Variants in ECD observed in about 807,000 individuals in gnomAD.
ECD encodes protein ecdysoneless homolog.
Under a neutral mutation model 77.2 loss-of-function variants are expected in ECD, and 59 were observed. That is an observed-to-expected ratio of 0.76 (90% CI 0.62 to 0.95). ECD has a LOEUF of 0.95. Among genes scored for constraint, ECD ranks in the 40% least tolerant of loss-of-function variants. The probability of loss-of-function intolerance (pLI) is 0.00; values close to 1 mark genes in which losing one functional copy is unlikely to be tolerated. For synonymous variants in ECD, 233 were observed against 267.4 expected (o/e 0.87, Z 1.26); for missense variants, 704 against 763.4 (o/e 0.92, Z 0.92).
At chr10:73,137,111 A>T (rs1027110911) in intron 12 of ECD, among the ~76,000 whole-genome samples, 193 bp from the exon 13 acceptor site, 2 of 151,906 alleles carry the variant, frequency 1.3e-5, no homozygotes, top group African/African-American at 4.8e-5. Flanking sequence ...GTGTGCATTT[A>T]ATGTTGTGGA....
intron 7 of ECD, among the ~76,000 whole-genome samples, chr10:73,151,758 T>C (rs988356786): frequency 4.6e-5 from 7 of 152,204 alleles, no homozygotes; most frequent in African/African-American, 1.7e-4. Flanking sequence ...TGGCTAGTAT[T>C]ATCATTTTCA....
At chr10:73,155,096 T>C (rs566070495) in intron 5 of ECD, among the ~76,000 whole-genome samples, 3 of 152,256 alleles carry the variant, frequency 2.0e-5, no homozygotes, top group Admixed American at 6.5e-5. Flanking sequence ...GTCGCCAGGC[T>C]GGAGTGCAGT....
rs531380366 is a variant in ECD at position 73,160,448 on chromosome 10, T to C, written c.309A>G (p.Pro103=). The change falls in exon 3 of 14, where the codon CCA becomes CCG. Residue 103 remains proline, a synonymous_variant. Coordinates refer to ENST00000372979, the MANE Select transcript of ECD (RefSeq NM_007265.3). ...YVIKQITKEF[P]ELVARIEDND... is the part of the protein sequence containing the mutation. ...AACTACAATACCTTGCTACTAACTC[T>C]GGAAATTCCTTTGTGATCTGCTTTA... 6.3e-7 allele frequency: 1 copy of C among 1,598,120 alleles called. No individual in the cohort carries two copies. Among genetic ancestry groups the C allele is most frequent in the African/African-American group, 1.3e-5 (1 of 74,224 alleles).
At chr10:73,153,725 CAAAAAAAAAAAAAAA>C (rs201711578) in intron 6 of ECD, among the ~76,000 whole-genome samples, 2 of 41,338 alleles carry the variant, frequency 4.8e-5, no homozygotes, top group African/African-American at 6.8e-5. Flanking sequence ...GACTCTGTCT[CAAAAAAAAAAAAAAA>C]AAAAAAAAAG....
intron 13 of ECD, among the ~76,000 whole-genome samples, chr10:73,135,807 A>T (rs1842969062): frequency 1.3e-5 from 2 of 152,068 alleles, no homozygotes; most frequent in Admixed American, 6.6e-5. Context: ...AGGCCTACTT[A>T]ATCAGAATCT....
intron 10 of ECD, 43 bp downstream of exon 10, chr10:73,139,588 T>G (rs1190993090): frequency 6.3e-7 from 1 of 1,581,774 alleles, no homozygotes; most frequent in Non-Finnish European, 8.6e-7. Flanking sequence ...CATTTTAATT[T>G]TTTTTTTTTA....
chr10:73,166,579 T>G (rs1350119159), intron 1 of ECD, among the ~76,000 whole-genome samples: 1 of 152,230 alleles, frequency 6.6e-6, no homozygotes, highest in East Asian at 1.9e-4. Context: ...ATTGAGCACC[T>G]TTTCATAAAC....
At chr10:73,155,441 G>A (rs60340611) in intron 5 of ECD, among the ~76,000 whole-genome samples, 7,303 of 149,888 alleles carry the variant, frequency 0.049, 553 homozygotes, top group African/African-American at 0.16. Flanking sequence ...ATGGATGAAC[G>A]AATATGTAAT....
intron 11 of ECD, among the ~76,000 whole-genome samples, chr10:73,139,041 A>G (rs1038549323): frequency 1.9e-4 from 29 of 152,164 alleles, no homozygotes; most frequent in African/African-American, 6.8e-4. Flanking sequence ...TAAAGCTACT[A>G]AAGAGTAAAG....
chr10:73,146,841 T>C (rs565940236), intron 8 of ECD, among the ~76,000 whole-genome samples: 1 of 152,260 alleles, frequency 6.6e-6, no homozygotes, highest in African/African-American at 2.4e-5. Flanking sequence ...TACAGAAAGT[T>C]TGCCAAGTAG....
At chr10:73,167,726 A>G (rs3763723) in intron 1 of ECD, 140 bp downstream of exon 1, 23,973 of 152,536 alleles carry the variant, frequency 0.16, 3,143 homozygotes, top group African/African-American at 0.34. Context: ...TCAGGCTAAT[A>G]CCTCACTGTA....
intron 7 of ECD, among the ~76,000 whole-genome samples, chr10:73,151,351 C>T (rs756308619): frequency 2.3e-5 from 3 of 128,124 alleles, no homozygotes; most frequent in East Asian, 2.2e-4. Context: ...CACAGGAAGG[C>T]GAACATCACA....
In ECD at chr10:73,139,422, G is replaced by A. The variant is rs35652947; in HGVS notation, c.1308C>T (p.Ser436=). 731 of 1,614,040 alleles carry A rather than the reference G, an allele frequency of 4.5e-4. 1 individual carries two copies. In the African/African-American group the frequency reaches 8.5e-3, roughly 19 times the overall value. The part of the protein sequence containing the change: ...LLQEAVGKKE[S]ESVSKEEKEQ... ...CCTTCTCCTCCTTGGAAACAGACTC[G>A]GATTCTTTTTTGCCAACAGCTTCCT... The change falls in exon 11 of 14, where the codon TCC becomes TCT. Residue 436 remains serine, a synonymous_variant. Transcript: ENST00000372979.
chr10:73,163,688 T>C (rs1250466455), intron 2 of ECD, 45 bp downstream of exon 2: 3 of 1,581,334 alleles, frequency 1.9e-6, no homozygotes, highest in Non-Finnish European at 2.6e-6. Context: ...GTTGTCAGGA[T>C]AACATTAAAA....
At chr10:73,153,675 G>C (rs1484966584) in intron 6 of ECD, among the ~76,000 whole-genome samples, 2 of 139,624 alleles carry the variant, frequency 1.4e-5, no homozygotes, top group Non-Finnish European at 3.0e-5. Flanking sequence ...GCAGTGAGCT[G>C]AGATGGCTCC....
In ECD at chr10:73,156,464, T is replaced by G; in HGVS notation, c.412-11A>C. The stretch of plus-strand genomic sequence containing the variant: ...ATGGCAGAAAAATACCTGCAAACGG[T>G]ACATTTCAATTTTCACAGTGGGCAC... On this transcript the variant is annotated splice_polypyrimidine_tract_variant and intron_variant, in intron 4 of 13. Coordinates refer to ENST00000372979, the MANE Select transcript of ECD (RefSeq NM_007265.3). The G allele has an allele frequency of 6.2e-7, 1 of 1,608,964 alleles. No individual in the cohort carries two copies. Among genetic ancestry groups the G allele is most frequent in the East Asian group, 2.2e-5 (1 of 44,824 alleles).
chr10:73,166,467 C>T (rs973381041), intron 1 of ECD, among the ~76,000 whole-genome samples: 1 of 152,180 alleles, frequency 6.6e-6, no homozygotes, highest in Non-Finnish European at 1.5e-5. Context: ...AAATCCTTGC[C>T]AGCATTTGTT....
At chr10:73,164,032 A>G (rs1843417246) in intron 1 of ECD, 82 bp from the exon 2 acceptor site, 1 of 1,269,412 alleles carries the variant, frequency 7.9e-7, no homozygotes, top group Non-Finnish European at 1.1e-6. Flanking sequence ...TTCTATGAAC[A>G]CTGTTTTCTA....
chr10:73,134,331 G>A lies in ECD; in HGVS notation c.*252C>T, dbSNP rs1467638508. 4 of 459,512 alleles carry A rather than the reference G, an allele frequency of 8.7e-6. No individual in the cohort carries two copies. Among genetic ancestry groups the A allele is most frequent in the Admixed American group, 3.4e-5 (1 of 29,406 alleles). The allele number at this position is 459,512 out of a possible 1,614,324, so 28.5% of individuals were successfully genotyped here. The stretch of plus-strand genomic sequence containing the variant: ...TGGTAGGGTATGTCTTTAGCATGAA[G>A]TGTGTGAATTTCATCTCAAGGTTGT... On this transcript the variant is annotated 3_prime_UTR_variant, in exon 14 of 14. Coordinates refer to ENST00000372979, the MANE Select transcript of ECD (RefSeq NM_007265.3).
Sources: gnomAD v4.1 joint callset for allele counts (sites outside exome capture counted in the v4.1 genomes callset) on GRCh38, gnomAD v4.1.1 for gene constraint, MANE v1.5 for transcripts, NCBI Gene and HGNC (gene_info 2026-07-23, HGNC 2026-07-21) for gene names.